The following SPOCK3 variants were observed in gnomAD, a reference collection of about 807,000 sequenced individuals.
The protein encoded by SPOCK3 is SPARC (osteonectin), cwcv and kazal like domains proteoglycan 3, also known as testican-3.
SPOCK3 carries 30 observed loss-of-function variants against 56.6 expected under a neutral mutation model. That is an observed-to-expected ratio of 0.53 (90% CI 0.40 to 0.72). SPOCK3 has a LOEUF of 0.72. Among genes scored for constraint, SPOCK3 ranks in the 30% least tolerant of loss-of-function variants. SPOCK3 has a pLI of 0.00. For synonymous variants in SPOCK3, 196 were observed against 183.3 expected, an observed-to-expected ratio of 1.07 and a Z score of -0.56; for missense variants, 527 against 530.0, an observed-to-expected ratio of 0.99 and a Z score of 0.06.
intron 2 of SPOCK3, among the ~76,000 whole-genome samples, chr4:167,117,837 G>C (rs1761557010): frequency 6.6e-6 from 1 of 152,058 alleles, no homozygotes; most frequent in African/African-American, 2.4e-5. Context: ...AAACAGAGGA[G>C]AACAAAGTCT....
chr4:166,998,480 A>T (rs756297373), intron 4 of SPOCK3, among the ~76,000 whole-genome samples: 1 of 152,164 alleles, frequency 6.6e-6, no homozygotes, highest in Non-Finnish European at 1.5e-5. Context: ...GCATAGTGGT[A>T]AAAAGCTTAG....
intron 6 of SPOCK3, among the ~76,000 whole-genome samples, chr4:166,875,484 C>A (rs552643116): frequency 6.6e-6 from 1 of 152,032 alleles, no homozygotes; most frequent in South Asian, 2.1e-4. Flanking sequence ...CTATTTTATC[C>A]GGTATTAAAT....
At chr4:166,912,794 C>T (rs769455117) in intron 4 of SPOCK3, 51 bp from the exon 5 acceptor site, 7 of 1,483,068 alleles carry the variant, frequency 4.7e-6, no homozygotes, top group Non-Finnish European at 6.3e-6. Context: ...TTAAAATATA[C>T]ATTTATATTA....
intron 2 of SPOCK3, among the ~76,000 whole-genome samples, chr4:167,182,345 C>A (rs1731543471): frequency 6.6e-6 from 1 of 151,288 alleles, no homozygotes; most frequent in African/African-American, 2.4e-5. Flanking sequence ...TTCCACCTAA[C>A]CCTTTCACAT....
chr4:166,793,211 T>G (rs958650882), intron 6 of SPOCK3, among the ~76,000 whole-genome samples: 35 of 152,102 alleles, frequency 2.3e-4, no homozygotes, highest in African/African-American at 8.2e-4. Flanking sequence ...TCCATTTGAT[T>G]AAAAATTATG....
At chr4:166,786,038 T>C (rs575250001) in intron 7 of SPOCK3, among the ~76,000 whole-genome samples, 9 of 152,192 alleles carry the variant, frequency 5.9e-5, no homozygotes, top group African/African-American at 2.2e-4. Flanking sequence ...CATTCATATA[T>C]CAGGTAGCAA....
chr4:166,977,562 T>A lies in SPOCK3; in HGVS notation c.350+22787A>T, dbSNP rs578008087. On this transcript the variant is annotated intron_variant, in intron 4 of 10. Coordinates refer to ENST00000357545, the MANE Select transcript of SPOCK3 (RefSeq NM_001040159.2). ...ATTGCAGAAATTCCAGAAATGTTTTTCTCTGTGTTACTTTCATAGTAATGT... is the reference window on the plus strand; with the variant it reads ...ATTGCAGAAATTCCAGAAATGTTTTACTCTGTGTTACTTTCATAGTAATGT... Among the ~76,000 whole-genome samples, 5 of 151,868 alleles carry A rather than the reference T, an allele frequency of 3.3e-5. No individual in the cohort carries two copies. The East Asian group carries it at 9.6e-4, about 29-fold the overall frequency.
intron 4 of SPOCK3, among the ~76,000 whole-genome samples, chr4:166,956,925 A>G (rs1743560537): frequency 6.6e-6 from 1 of 151,802 alleles, no homozygotes; most frequent in Non-Finnish European, 1.5e-5. Context: ...CAGCATCCCA[A>G]CTCTTCCCTT....
chr4:166,952,615 C>T (rs916272416), intron 4 of SPOCK3, among the ~76,000 whole-genome samples: 70 of 152,180 alleles, frequency 4.6e-4, no homozygotes, highest in African/African-American at 1.4e-3. Context: ...AAAAAGAGCC[C>T]GCATCGTCAA....
intron 4 of SPOCK3, among the ~76,000 whole-genome samples, chr4:166,969,058 T>A (rs1160924124): frequency 6.6e-6 from 1 of 152,304 alleles, no homozygotes; most frequent in African/African-American, 2.4e-5. Context: ...TTGCATGGGG[T>A]CTGTAGCCCC....
rs747671634 is a variant in SPOCK3, at chr4:166,912,748, T to TA, written c.351-6dup. The TA allele has an allele frequency of 1.4e-5, 22 of 1,589,448 alleles. No homozygotes were observed. The highest frequency in any genetic ancestry group is 1.5e-5 in the Non-Finnish European group (18 of 1,172,456). ...TCTACTCCTGCTTCTTTCATCCTGT[T>TA]AAAAAAATAAAGCAAGCATATTGAG... On this transcript the variant is annotated splice_region_variant and splice_polypyrimidine_tract_variant and intron_variant, in intron 4 of 10. Coordinates refer to ENST00000357545, the MANE Select transcript of SPOCK3 (RefSeq NM_001040159.2).
chr4:167,169,253 C>T (rs1730282302), intron 2 of SPOCK3, among the ~76,000 whole-genome samples: 1 of 152,162 alleles, frequency 6.6e-6, no homozygotes, highest in Admixed American at 6.5e-5. Context: ...AGTGGATCCA[C>T]TGACAGCTTG....
chr4:167,140,835 A>C (rs1763468976), intron 2 of SPOCK3, among the ~76,000 whole-genome samples: 1 of 152,010 alleles, frequency 6.6e-6, no homozygotes, highest in Non-Finnish European at 1.5e-5. Flanking sequence ...AGTTGCCTCC[A>C]TCCCCTATCG....
intron 4 of SPOCK3, among the ~76,000 whole-genome samples, chr4:166,938,356 T>G (rs1740679169): frequency 1.3e-5 from 2 of 152,180 alleles, no homozygotes; most frequent in Admixed American, 6.5e-5. Context: ...AAGTTTTGAT[T>G]TGGGAAATGT....
At chr4:167,050,993 G>T (rs1754148672) in intron 3 of SPOCK3, among the ~76,000 whole-genome samples, 1 of 152,140 alleles carries the variant, frequency 6.6e-6, no homozygotes, top group Non-Finnish European at 1.5e-5. Context: ...AAGAGTCCTG[G>T]AGATGGATAA....
At chr4:166,798,129 C>T (rs1431315921) in intron 6 of SPOCK3, among the ~76,000 whole-genome samples, 1 of 152,032 alleles carries the variant, frequency 6.6e-6, no homozygotes, top group Non-Finnish European at 1.5e-5. Flanking sequence ...TATATAATAC[C>T]TGATCATTAT....
Position 167,096,506 on chromosome 4 carries a change from T to G in SPOCK3, c.190-33969A>C, listed in dbSNP as rs113739534. Among the ~76,000 whole-genome samples, 1,261 of 151,982 alleles carry G rather than the reference T, an allele frequency of 8.3e-3. 17 individuals are homozygous for G. The highest frequency in any genetic ancestry group is 0.029 in the African/African-American group (1,202 of 41,552). ...TTTTTAAACATCTTGATACTTCTCC[T>G]TTGACCCATATGTGATTTAGAAGTG... On this transcript the variant is annotated intron_variant, in intron 2 of 10. Coordinates refer to ENST00000357545, the MANE Select transcript of SPOCK3 (RefSeq NM_001040159.2).
At chr4:166,878,645 T>C (rs1733369188) in intron 6 of SPOCK3, among the ~76,000 whole-genome samples, 2 of 152,130 alleles carry the variant, frequency 1.3e-5, no homozygotes, top group Non-Finnish European at 2.9e-5. Flanking sequence ...ATAATACAAA[T>C]ACTCTAAGTT....
intron 4 of SPOCK3, among the ~76,000 whole-genome samples, chr4:166,932,520 T>C (rs1461724484): frequency 6.6e-6 from 1 of 152,158 alleles, no homozygotes; most frequent in Non-Finnish European, 1.5e-5. Flanking sequence ...ACAAACTTTC[T>C]TTAAGAAAAT....
Sources: gnomAD v4.1 joint callset for allele counts (sites outside exome capture counted in the v4.1 genomes callset) on GRCh38, gnomAD v4.1.1 for gene constraint, MANE v1.5 for transcripts, NCBI Gene and HGNC (gene_info 2026-07-23, HGNC 2026-07-21) for gene names.